The following NRXN1 variants were observed in gnomAD, a reference collection of about 807,000 sequenced individuals.
The protein encoded by NRXN1 is neurexin 1.
A neutral mutation model predicts 150.9 loss-of-function variants in NRXN1; 39 were observed. The observed-to-expected ratio is 0.26, with a 90% CI of 0.20 to 0.34. The LOEUF (loss-of-function observed/expected upper bound fraction) is 0.34, where lower values mean the gene tolerates loss of function less well. NRXN1 is among the 10% of genes least tolerant of loss of function. The pLI, the probability that NRXN1 is intolerant of heterozygous loss-of-function variation, is 1.00. For missense variants in NRXN1, 1,815 were observed against 1,949.9 expected, an observed-to-expected ratio of 0.93 and a Z score of 1.30; for synonymous variants, 924 against 757.0, an observed-to-expected ratio of 1.22 and a Z score of -3.62.
At chr2:50,010,481 G>A (rs1466073400) in intron 21 of NRXN1, among the ~76,000 whole-genome samples, 1 of 152,106 alleles carries the variant, frequency 6.6e-6, no homozygotes, top group Non-Finnish European at 1.5e-5. Context: ...GATTCTGGTA[G>A]AGCTAGCCTT....
At chr2:50,126,798 G>C (rs1477511311) in intron 18 of NRXN1, among the ~76,000 whole-genome samples, 1 of 152,022 alleles carries the variant, frequency 6.6e-6, no homozygotes, top group African/African-American at 2.4e-5. Flanking sequence ...CTTATGCATT[G>C]CTGCCTGTCC....
chr2:50,588,442 A>T (rs923262425), intron 8 of NRXN1, among the ~76,000 whole-genome samples: 9 of 152,190 alleles, frequency 5.9e-5, no homozygotes, highest in African/African-American at 2.2e-4. Flanking sequence ...TACAGTGTGT[A>T]TAAACATTGT....
intron 19 of NRXN1, among the ~76,000 whole-genome samples, chr2:50,059,048 G>C (rs900656176): frequency 3.9e-5 from 6 of 152,152 alleles, no homozygotes; most frequent in African/African-American, 1.2e-4. Context: ...AATTGACTTT[G>C]GAACTGGGTA....
chr2:50,879,501 C>G (rs1050863383), intron 5 of NRXN1, among the ~76,000 whole-genome samples: 1 of 151,848 alleles, frequency 6.6e-6, no homozygotes, highest in Non-Finnish European at 1.5e-5. Flanking sequence ...TTCCATCATG[C>G]TTTAAATGTA....
chr2:50,713,642 A>C (rs531033626), intron 5 of NRXN1, among the ~76,000 whole-genome samples: 1 of 152,310 alleles, frequency 6.6e-6, no homozygotes, highest in East Asian at 1.9e-4. Context: ...CTATAAGGAA[A>C]TATAGGTTGG....
intron 21 of NRXN1, among the ~76,000 whole-genome samples, chr2:49,953,212 A>T (rs1243190526): frequency 6.6e-6 from 1 of 152,136 alleles, no homozygotes; most frequent in African/African-American, 2.4e-5. Flanking sequence ...CTTAGTTAAC[A>T]GAAGGTGTAT....
At chr2:50,663,089 A>C (rs1244759334) in intron 5 of NRXN1, among the ~76,000 whole-genome samples, 2 of 152,094 alleles carry the variant, frequency 1.3e-5, no homozygotes, top group Middle Eastern at 3.2e-3. Context: ...AGGCCAGAGA[A>C]GAAAACATGT....
At chr2:50,566,409 A>ATT (rs35437819) in intron 8 of NRXN1, among the ~76,000 whole-genome samples, 2,899 of 129,978 alleles carry the variant, frequency 0.022, 110 homozygotes, top group African/African-American at 0.065. Flanking sequence ...ACGCCCAGCT[A>ATT]TTTTTTTTTT....
chr2:50,330,422 T>C (rs1165210741), intron 17 of NRXN1, among the ~76,000 whole-genome samples: 1 of 152,196 alleles, frequency 6.6e-6, no homozygotes, highest in Non-Finnish European at 1.5e-5. Flanking sequence ...CTTTTTCTTC[T>C]TTCATTAGTG....
At chr2:50,005,459 ATAGCAT>A (rs1254969842) in intron 21 of NRXN1, among the ~76,000 whole-genome samples, 3 of 152,136 alleles carry the variant, frequency 2.0e-5, no homozygotes, top group Non-Finnish European at 4.4e-5. Flanking sequence ...CAGGCCAATA[ATAGCAT>A]TACCAACCGG....
At chr2:51,000,315 C>T (rs944392779) in intron 2 of NRXN1, among the ~76,000 whole-genome samples, 1 of 151,936 alleles carries the variant, frequency 6.6e-6, no homozygotes, top group African/African-American at 2.4e-5. Context: ...TAGAGCTTGC[C>T]ATTTTCTGAA....
At chr2:50,103,965 ATTGCTCT>A (rs950870858) in intron 18 of NRXN1, among the ~76,000 whole-genome samples, 2 of 151,934 alleles carry the variant, frequency 1.3e-5, no homozygotes, top group Admixed American at 1.3e-4. Flanking sequence ...TCTCAGGCCC[ATTGCTCT>A]TCCTTCTGCC....
intron 17 of NRXN1, among the ~76,000 whole-genome samples, chr2:50,261,682 T>G (rs2068300342): frequency 6.6e-6 from 1 of 151,940 alleles, no homozygotes; most frequent in Admixed American, 6.6e-5. Context: ...TTGAAAGATA[T>G]GTTAACAATA....
At position 49,945,418 on chromosome 2, in the gene NRXN1, T is replaced by G. The variant is rs187227249; in HGVS notation, c.4129-1627A>C. Among the ~76,000 whole-genome samples the G allele has an allele frequency of 9.5e-4, 144 of 151,844 alleles. 1 individual carries two copies. Among genetic ancestry groups the G allele is most frequent in the African/African-American group, 3.3e-3 (138 of 41,408 alleles). On this transcript the variant is annotated intron_variant, in intron 21 of 22. Transcript: ENST00000401669. ...TTTTTTTTTTTTATTATACTTTTAGTTCCAGGATACATGTGCAGCATATGC... is the reference window on the plus strand; with the variant it reads ...TTTTTTTTTTTTATTATACTTTTAGGTCCAGGATACATGTGCAGCATATGC...
At chr2:49,990,632 T>A (rs1347870253) in intron 21 of NRXN1, among the ~76,000 whole-genome samples, 1 of 152,080 alleles carries the variant, frequency 6.6e-6, no homozygotes, top group African/African-American at 2.4e-5. Context: ...TTCATAAGAC[T>A]TACTGATAAC....
At chr2:50,456,820 T>G (rs1450232296) in intron 17 of NRXN1, among the ~76,000 whole-genome samples, 1 of 152,136 alleles carries the variant, frequency 6.6e-6, no homozygotes, top group Non-Finnish European at 1.5e-5. Flanking sequence ...AAGACCTTCA[T>G]AGGCCACACT....
chr2:50,359,523 C>CT (rs1387853039), intron 17 of NRXN1, among the ~76,000 whole-genome samples: 1 of 151,300 alleles, frequency 6.6e-6, no homozygotes, highest in Non-Finnish European at 1.5e-5. Flanking sequence ...TGACAATCAA[C>CT]TTAACAAAAT....
chr2:50,293,970 G>A (rs1400471254), intron 17 of NRXN1, among the ~76,000 whole-genome samples: 2 of 152,172 alleles, frequency 1.3e-5, no homozygotes, highest in Non-Finnish European at 2.9e-5. Flanking sequence ...AGAAATGAAA[G>A]TGGTTTTCTG....
chr2:50,453,353 T>C (rs944107981), intron 17 of NRXN1, among the ~76,000 whole-genome samples: 1 of 152,184 alleles, frequency 6.6e-6, no homozygotes, highest in African/African-American at 2.4e-5. Context: ...CTGATCCAGG[T>C]ACCACCGTTT....
Sources: allele counts gnomAD v4.1 joint callset (sites outside exome capture counted in the v4.1 genomes callset), GRCh38; gene constraint gnomAD v4.1.1; transcripts MANE v1.5; gene names NCBI Gene and HGNC (gene_info 2026-07-23, HGNC 2026-07-21).